The following SMYD3 variants were observed in gnomAD, a reference collection of about 807,000 sequenced individuals.
The protein encoded by SMYD3 is SET and MYND domain containing 3.
A neutral mutation model predicts 57.7 loss-of-function variants in SMYD3; 36 were observed. The observed-to-expected ratio is 0.62, with a 90% CI of 0.48 to 0.82. The LOEUF is 0.82. Ranked by LOEUF, SMYD3 falls within the 40% of genes least tolerant of loss-of-function variation. The pLI, the probability that SMYD3 is intolerant of heterozygous loss-of-function variation, is 0.00. For synonymous variants in SMYD3, 211 were observed against 195.0 expected (o/e 1.08, Z -0.68); for missense variants, 515 against 538.8 (o/e 0.96, Z 0.44).
At chr1:245,964,732 A>G (rs574892549) in intron 5 of SMYD3, among the ~76,000 whole-genome samples, 2 of 152,206 alleles carry the variant, frequency 1.3e-5, no homozygotes, top group South Asian at 2.1e-4. Context: ...CTGAGGAAAA[A>G]TCTCAGCTTG....
chr1:245,877,940 C>T (rs2148537793), intron 8 of SMYD3, among the ~76,000 whole-genome samples: 1 of 152,202 alleles, frequency 6.6e-6, no homozygotes, highest in East Asian at 1.9e-4. Flanking sequence ...ATCACCCAAT[C>T]CAACGGGGCC....
At chr1:245,899,564 A>G (rs998018802) in intron 8 of SMYD3, among the ~76,000 whole-genome samples, 2 of 152,226 alleles carry the variant, frequency 1.3e-5, no homozygotes, top group Admixed American at 6.5e-5. Context: ...AGCATGGACT[A>G]TAATCCAGCA....
At chr1:246,468,322 T>G (rs2067909586) in intron 1 of SMYD3, among the ~76,000 whole-genome samples, 2 of 152,108 alleles carry the variant, frequency 1.3e-5, no homozygotes, top group African/African-American at 2.4e-5. Flanking sequence ...AAAAGGCATT[T>G]GACAAAATTC....
intron 1 of SMYD3, among the ~76,000 whole-genome samples, chr1:246,485,545 G>A (rs1014142437): frequency 6.6e-6 from 1 of 152,120 alleles, no homozygotes; most frequent in Non-Finnish European, 1.5e-5. Context: ...ACTTTGGGAG[G>A]CTGATGCAAG....
At chr1:246,126,513 T>C (rs925327259) in intron 5 of SMYD3, among the ~76,000 whole-genome samples, 1 of 152,268 alleles carries the variant, frequency 6.6e-6, no homozygotes, top group African/African-American at 2.4e-5. Context: ...AATTATACTT[T>C]GTTTTGTTTG....
chr1:246,261,302 C>T (rs945272779), intron 5 of SMYD3, among the ~76,000 whole-genome samples: 1 of 151,716 alleles, frequency 6.6e-6, no homozygotes, highest in African/African-American at 2.4e-5. Context: ...CAGGATCCAC[C>T]CTCCTCAGCC....
chr1:246,284,754 T>C (rs1365100638), intron 5 of SMYD3, among the ~76,000 whole-genome samples: 1 of 152,184 alleles, frequency 6.6e-6, no homozygotes, highest in African/African-American at 2.4e-5. Context: ...TCTGATTGTA[T>C]TGAGATAATC....
intron 5 of SMYD3, among the ~76,000 whole-genome samples, chr1:246,053,701 GC>G (rs2060101197): frequency 6.6e-6 from 1 of 151,992 alleles, no homozygotes; most frequent in South Asian, 2.1e-4. Context: ...CTGTATTCCT[GC>G]TACTCGAGAG....
At chr1:245,817,193 G>C (rs1466554994) in intron 10 of SMYD3, among the ~76,000 whole-genome samples, 3 of 148,414 alleles carry the variant, frequency 2.0e-5, no homozygotes, top group South Asian at 2.2e-4. Flanking sequence ...CACGCAGCTG[G>C]AGATCTGAGA....
intron 5 of SMYD3, among the ~76,000 whole-genome samples, chr1:246,074,605 A>G (rs1488685234): frequency 6.6e-6 from 1 of 152,226 alleles, no homozygotes; most frequent in Non-Finnish European, 1.5e-5. Flanking sequence ...CTTGTTTATA[A>G]AGCTTTTTAA....
chr1:246,343,285 A>G (rs1324347834), intron 2 of SMYD3, among the ~76,000 whole-genome samples: 2 of 152,236 alleles, frequency 1.3e-5, no homozygotes, highest in Non-Finnish European at 1.5e-5. Context: ...ATTAATCAAA[A>G]TATCAACACC....
At chr1:246,201,820 C>G (rs1250636021) in intron 5 of SMYD3, among the ~76,000 whole-genome samples, 1 of 152,118 alleles carries the variant, frequency 6.6e-6, no homozygotes, top group Non-Finnish European at 1.5e-5. Context: ...TGAGACCAGC[C>G]TGGGCAACTT....
intron 5 of SMYD3, among the ~76,000 whole-genome samples, chr1:246,117,186 T>A (rs1233171100): frequency 6.6e-6 from 1 of 152,254 alleles, no homozygotes; most frequent in Non-Finnish European, 1.5e-5. Context: ...AGTATCTGTA[T>A]AAATGGACAA....
intron 10 of SMYD3, among the ~76,000 whole-genome samples, chr1:245,843,532 A>G (rs895272792): frequency 1.1e-5 from 1 of 87,814 alleles, no homozygotes; most frequent in Non-Finnish European, 2.0e-5. Flanking sequence ...ATGAATGTGT[A>G]TATATATATG....
At chr1:246,394,823 G>A (rs1278671322) in intron 1 of SMYD3, among the ~76,000 whole-genome samples, 2 of 151,660 alleles carry the variant, frequency 1.3e-5, no homozygotes, top group African/African-American at 2.4e-5. Context: ...AGAGCCTCCC[G>A]AACTCAGCTA....
At chr1:245,873,032 G>A (rs1292706145) in intron 8 of SMYD3, among the ~76,000 whole-genome samples, 1 of 152,084 alleles carries the variant, frequency 6.6e-6, no homozygotes, top group Non-Finnish European at 1.5e-5. Context: ...TCAACCTGGA[G>A]AGAATAAAAA....
At chr1:246,220,427 C>A (rs1437880507) in intron 5 of SMYD3, among the ~76,000 whole-genome samples, 1 of 152,060 alleles carries the variant, frequency 6.6e-6, no homozygotes, top group Non-Finnish European at 1.5e-5. Flanking sequence ...GGGAGCCCCA[C>A]CTGCCTGGGC....
At chr1:246,188,280 C>T (rs1459755497) in intron 5 of SMYD3, among the ~76,000 whole-genome samples, 2 of 152,040 alleles carry the variant, frequency 1.3e-5, no homozygotes, top group Non-Finnish European at 2.9e-5. Context: ...CGAACAGGAG[C>T]GATCAGAGTC....
intron 5 of SMYD3, among the ~76,000 whole-genome samples, chr1:246,164,237 A>G (rs966006537): frequency 1.3e-5 from 2 of 152,130 alleles, no homozygotes; most frequent in African/African-American, 4.8e-5. Context: ...ACTGGCCAAT[A>G]TGGTGAAACC....
Sources: allele counts gnomAD v4.1 joint callset (sites outside exome capture counted in the v4.1 genomes callset), GRCh38; gene constraint gnomAD v4.1.1; transcripts MANE v1.5; gene names NCBI Gene and HGNC (gene_info 2026-07-23, HGNC 2026-07-21).